GPR158: variants seen among roughly 807,000 people sequenced by gnomAD.
GPR158 encodes metabotropic glycine receptor.
GPR158 carries 30 observed loss-of-function variants against 78.2 expected under a neutral mutation model. The observed-to-expected ratio is 0.38, with a 90% confidence interval of 0.29 to 0.52. The LOEUF (loss-of-function observed/expected upper bound fraction) is 0.52. Among genes scored for constraint, GPR158 ranks in the 20% least tolerant of loss-of-function variants. The pLI, the probability that GPR158 is intolerant of heterozygous loss-of-function variation, is 0.83. For missense variants in GPR158, 1,463 were observed against 1,523.5 expected (o/e 0.96, Z 0.66); for synonymous variants, 581 against 591.1 (o/e 0.98, Z 0.25).
intron 1 of GPR158, among the ~76,000 whole-genome samples, chr10:25,187,110 G>A (rs547539459): frequency 4.6e-5 from 7 of 151,734 alleles, no homozygotes; most frequent in East Asian, 1.9e-4. Flanking sequence ...GACTACAGGC[G>A]CCCGCCATCA....
At chr10:25,353,351 A>G (rs1474040787) in intron 2 of GPR158, among the ~76,000 whole-genome samples, 1 of 152,052 alleles carries the variant, frequency 6.6e-6, no homozygotes, top group Non-Finnish European at 1.5e-5. Context: ...TGAATCTCAC[A>G]TAAAATGGAG....
intron 5 of GPR158, among the ~76,000 whole-genome samples, chr10:25,527,243 C>A (rs944091137): frequency 6.6e-6 from 1 of 152,054 alleles, no homozygotes. Flanking sequence ...CAAAACTGTA[C>A]AAGTGGTATA....
chr10:25,569,941 G>A (rs187613685), intron 6 of GPR158, among the ~76,000 whole-genome samples: 330 of 152,182 alleles, frequency 2.2e-3, no homozygotes, highest in South Asian at 0.016. Flanking sequence ...ATGTTTGTTC[G>A]TTATATTTAA....
intron 2 of GPR158, among the ~76,000 whole-genome samples, chr10:25,334,075 C>T (rs540442812): frequency 6.1e-4 from 93 of 151,986 alleles, no homozygotes; most frequent in African/African-American, 2.1e-3. Context: ...TTTATAAAAA[C>T]GCTGAAAGGA....
At position 25,544,809 on chromosome 10, in the gene GPR158, T is replaced by C. The variant is rs1263153661; in HGVS notation, c.1405-6167T>C. ...GTGCCATGGTGGTTTGCTGCACCCA[T>C]CAACTCATCATCTACATTATGTATT... On this transcript the variant is annotated intron_variant, in intron 5 of 10. Transcript: ENST00000376351. Among the ~76,000 whole-genome samples, 4 of 152,194 alleles carry C rather than the reference T, an allele frequency of 2.6e-5. No individual in the cohort carries two copies. In the East Asian group the frequency reaches 7.7e-4, roughly 29 times the overall value.
intron 2 of GPR158, among the ~76,000 whole-genome samples, chr10:25,298,350 A>C (rs1564414674): frequency 6.6e-6 from 1 of 152,228 alleles, no homozygotes; most frequent in Non-Finnish European, 1.5e-5. Context: ...CTTTTAAAAC[A>C]GGTCTTTTCT....
At chr10:25,254,401 GA>G (rs1214929200) in intron 2 of GPR158, among the ~76,000 whole-genome samples, 1 of 152,048 alleles carries the variant, frequency 6.6e-6, no homozygotes, top group Admixed American at 6.5e-5. Flanking sequence ...CTTATCACCT[GA>G]AAAAACATAA....
chr10:25,594,654 AATT>A (rs1837378942), intron 9 of GPR158, among the ~76,000 whole-genome samples: 2 of 152,246 alleles, frequency 1.3e-5, no homozygotes, highest in Admixed American at 1.3e-4. Context: ...AGTATGTTTT[AATT>A]ATTATGGGTT....
intron 2 of GPR158, among the ~76,000 whole-genome samples, chr10:25,248,068 G>C (rs1488186982): frequency 7.2e-4 from 103 of 142,708 alleles, no homozygotes; most frequent in African/African-American, 1.7e-3. Flanking sequence ...GATGGCCAGT[G>C]ATGATGAGCA....
chr10:25,239,329 G>A (rs1438585449), intron 2 of GPR158, among the ~76,000 whole-genome samples: 1 of 152,094 alleles, frequency 6.6e-6, no homozygotes, highest in African/African-American at 2.4e-5. Flanking sequence ...GGCCAGGCAT[G>A]GTGGCTGATG....
chr10:25,461,190 A>G (rs190961638), intron 4 of GPR158, among the ~76,000 whole-genome samples: 7 of 152,304 alleles, frequency 4.6e-5, no homozygotes, highest in Admixed American at 2.0e-4. Flanking sequence ...CTCACTTTAA[A>G]TCAAAAGCTA....
chr10:25,469,981 AGACT>A (rs1474302686), intron 5 of GPR158, among the ~76,000 whole-genome samples: 8 of 151,986 alleles, frequency 5.3e-5, no homozygotes, highest in African/African-American at 1.7e-4. Context: ...CATGAAAATT[AGACT>A]GACTATGTCA....
chr10:25,353,188 A>T (rs566818095), intron 2 of GPR158, among the ~76,000 whole-genome samples: 67 of 152,144 alleles, frequency 4.4e-4, no homozygotes, highest in African/African-American at 1.5e-3. Context: ...TCTCCTTGAA[A>T]ATCCAATTTT....
At chr10:25,333,151 A>G (rs1855150666) in intron 2 of GPR158, among the ~76,000 whole-genome samples, 2 of 152,192 alleles carry the variant, frequency 1.3e-5, no homozygotes, top group Admixed American at 1.3e-4. Context: ...GCTTGGCTGT[A>G]GAACATAACT....
Position 25,600,580 on chromosome 10 carries a change from T to C in GPR158, c.*1306T>C, listed in dbSNP as rs2130759721. 6.5e-6 allele frequency: 1 copy of C among 152,680 alleles called. No individual in the cohort carries two copies. The highest frequency in any genetic ancestry group is 2.1e-4 in the South Asian group (1 of 4,824). 9.5% of individuals were successfully genotyped at this position (152,680 alleles called of 1,614,324 possible). ...GTATTTTAAAATACCTTAAAGTATT[T>C]ATTCTCATAAACTCTTATTCATTGC... On this transcript the variant is annotated 3_prime_UTR_variant, in exon 11 of 11. Coordinates refer to ENST00000376351, the MANE Select transcript of GPR158 (RefSeq NM_020752.3).
chr10:25,444,758 A>G (rs572536147), intron 4 of GPR158, among the ~76,000 whole-genome samples: 1 of 152,254 alleles, frequency 6.6e-6, no homozygotes, highest in South Asian at 2.1e-4. Context: ...TTTTGTTTCC[A>G]TCAAGAAGGA....
chr10:25,558,045 T>C (rs536674646), intron 6 of GPR158, among the ~76,000 whole-genome samples: 29 of 152,354 alleles, frequency 1.9e-4, no homozygotes, highest in African/African-American at 6.5e-4. Flanking sequence ...GGAGCTTCTC[T>C]TTTTAAAAAA....
intron 1 of GPR158, among the ~76,000 whole-genome samples, chr10:25,215,624 C>T (rs1314608472): frequency 6.6e-6 from 1 of 152,112 alleles, no homozygotes; most frequent in Non-Finnish European, 1.5e-5. Flanking sequence ...CACCTGAGGT[C>T]AGGAGTTCAA....
At chr10:25,211,352 A>G (rs1169218149) in intron 1 of GPR158, among the ~76,000 whole-genome samples, 1 of 152,136 alleles carries the variant, frequency 6.6e-6, no homozygotes, top group Non-Finnish European at 1.5e-5. Context: ...TTGACTCACA[A>G]TTCCGGAGGC....
Sources: gnomAD v4.1 joint callset for allele counts (sites outside exome capture counted in the v4.1 genomes callset) on GRCh38, gnomAD v4.1.1 for gene constraint, MANE v1.5 for transcripts, NCBI Gene and HGNC (gene_info 2026-07-23, HGNC 2026-07-21) for gene names.